Variants in ZZEF1 observed in about 807,000 individuals in gnomAD.
The protein encoded by ZZEF1 is zinc finger ZZ-type and EF-hand domain containing 1.
ZZEF1 carries 157 observed loss-of-function variants against 342.8 expected under a neutral mutation model. That is an observed-to-expected ratio of 0.46 (90% CI 0.40 to 0.52). The LOEUF is 0.52. Ranked by LOEUF, ZZEF1 falls within the 20% of genes least tolerant of loss-of-function variation. The pLI is 0.00. For synonymous variants in ZZEF1, 1,505 were observed against 1,429.1 expected (o/e 1.05, Z -1.20); for missense variants, 3,480 against 3,725.6 (o/e 0.93, Z 1.72).
intron 38 of ZZEF1, among the ~76,000 whole-genome samples, chr17:4,043,084 C>T (rs1366922137): frequency 6.6e-6 from 1 of 152,214 alleles, no homozygotes; most frequent in Admixed American, 6.5e-5. Flanking sequence ...AGACTGTCCT[C>T]CCAGAGCTCT....
chr17:4,034,026 C>G lies in ZZEF1; in HGVS notation c.6573G>C (p.Val2191=), dbSNP rs188149702. The change falls in exon 40 of 55, where the codon GTG becomes GTC. Residue 2191 remains valine (V), a synonymous_variant. Coordinates refer to ENST00000381638, the MANE Select transcript of ZZEF1 (RefSeq NM_015113.4). ...AGGACCAAGGCTACCTGTCCAGACA[C>G]ACAGCTCCCAGGCTAAAGAGCAGGT... ...TTHLLFSLGA[V]CLDSRVGLDW... 4.1e-5 allele frequency: 66 copies of G among 1,613,924 alleles called. No individual in the cohort carries two copies. The highest frequency in any genetic ancestry group is 5.1e-5 in the Non-Finnish European group (60 of 1,179,994).
chr17:4,067,876 C>T (rs1031777546), intron 26 of ZZEF1, among the ~76,000 whole-genome samples: 7 of 151,976 alleles, frequency 4.6e-5, no homozygotes, highest in African/African-American at 9.7e-5. Context: ...GCCAGGAGCT[C>T]GAGACCAACC....
intron 34 of ZZEF1, among the ~76,000 whole-genome samples, chr17:4,053,165 GTTA>G: frequency 6.6e-6 from 1 of 152,284 alleles, no homozygotes; most frequent in East Asian, 1.9e-4. Context: ...CTCTCATCAT[GTTA>G]TTAATAATAC....
intron 2 of ZZEF1, among the ~76,000 whole-genome samples, chr17:4,118,182 C>T (rs976958900): frequency 3.3e-5 from 5 of 152,236 alleles, no homozygotes; most frequent in Admixed American, 1.3e-4. Flanking sequence ...GCCTTCAGGA[C>T]CTGCTCAAGC....
chr17:4,142,774 G>A lies in ZZEF1; in HGVS notation c.122C>T (p.Ala41Val), dbSNP rs1399596788. The change falls in exon 1 of 55, where the codon GCT becomes GTT. Residue 41 changes from alanine to valine, a missense_variant. Ala to Val is a moderately conservative substitution (Grantham distance 64). Around this residue, in one of 5 missense-constraint regions of ZZEF1, gnomAD observed 416 missense variants for 374.2 expected, o/e 1.11. Coordinates refer to ENST00000381638, the MANE Select transcript of ZZEF1 (RefSeq NM_015113.4). ...SGTTPGPGVA[A>V]PALPPAAALL... ...CGCCGCGGCGGGTGGTAGCGCTGGA[G>A]CCGCGACGCCCGGGCCGGGGGTCGT... 1 of 1,431,888 alleles carries A rather than the reference G, an allele frequency of 7.0e-7. No individual in the cohort carries two copies. The highest frequency in any genetic ancestry group is 9.1e-7 in the Non-Finnish European group (1 of 1,103,506). The allele number at this position is 1,431,888 out of a possible 1,614,324, so 88.7% of individuals were successfully genotyped here.
intron 46 of ZZEF1, among the ~76,000 whole-genome samples, chr17:4,018,961 C>T (rs7213058): frequency 0.19 from 28,995 of 151,324 alleles, 2,925 homozygotes; most frequent in Middle Eastern, 0.23. Context: ...CTGTCACCCA[C>T]CCCAGACTCT....
chr17:4,097,476 GGAAAAAAAAAAAA>G (rs2058056833), intron 9 of ZZEF1, among the ~76,000 whole-genome samples: 4 of 113,964 alleles, frequency 3.5e-5, no homozygotes, highest in Non-Finnish European at 7.0e-5. Flanking sequence ...CTTTGAAATG[GGAAAAAAAAAAAA>G]AAAAAAAAAA....
intron 1 of ZZEF1, among the ~76,000 whole-genome samples, chr17:4,132,620 C>T (rs1407003887): frequency 2.0e-5 from 3 of 151,574 alleles, no homozygotes; most frequent in South Asian, 2.1e-4. Flanking sequence ...ATCACAAAGT[C>T]GGGAGATCGA....
chr17:4,078,863 A>G lies in ZZEF1; in HGVS notation c.2830-821T>C, dbSNP rs145692821. ...AGATTCCTGAGAAAAATTTCAGACCAGGTACATTTCTGATCACCTTTAATT... is the reference window on the plus strand; with the variant it reads ...AGATTCCTGAGAAAAATTTCAGACCGGGTACATTTCTGATCACCTTTAATT... On this transcript the variant is annotated intron_variant, in intron 18 of 54. Transcript: ENST00000381638. Among the ~76,000 whole-genome samples the G allele has an allele frequency of 6.8e-3, 1,034 of 152,336 alleles. 11 individuals carry two copies. The highest frequency in any genetic ancestry group is 0.023 in the African/African-American group (959 of 41,562).
intron 1 of ZZEF1, among the ~76,000 whole-genome samples, chr17:4,133,035 CCTG>C (rs1306429004): frequency 6.6e-6 from 1 of 151,968 alleles, no homozygotes; most frequent in Non-Finnish European, 1.5e-5. Context: ...TCCCTGAGGC[CCTG>C]CGGTGGGAAC....
intron 45 of ZZEF1, 65 bp downstream of exon 45, chr17:4,021,064 C>T: frequency 6.6e-7 from 1 of 1,503,794 alleles, no homozygotes; most frequent in Non-Finnish European, 8.9e-7. Context: ...AAAACATGGC[C>T]CGGGCCAAAG....
chr17:4,013,985 A>G, intron 51 of ZZEF1, 105 bp downstream of exon 51: 1 of 1,089,058 alleles, frequency 9.2e-7, no homozygotes, highest in Non-Finnish European at 1.4e-6. Context: ...GTGAGAGACA[A>G]GTACCTGCTT....
At chr17:4,132,688 CGGGTGTGGTGGCGGGCGCCTGT>C (rs2145592595) in intron 1 of ZZEF1, among the ~76,000 whole-genome samples, 2 of 133,190 alleles carry the variant, frequency 1.5e-5, no homozygotes, top group East Asian at 2.5e-4. Context: ...AAAAATTAGC[CGGGTGTGGTGGCGGGCGCCTGT>C]AATCCCAGCA....
chr17:4,091,695 T>C (rs1271552452), intron 11 of ZZEF1, among the ~76,000 whole-genome samples: 1 of 151,750 alleles, frequency 6.6e-6, no homozygotes, highest in Non-Finnish European at 1.5e-5. Flanking sequence ...GGGAATCACT[T>C]GAACCCAAGA....
chr17:4,041,987 A>G lies in ZZEF1; in HGVS notation c.6306+442T>C, dbSNP rs562630500. Among the ~76,000 whole-genome samples, 731 of 152,326 alleles carry G rather than the reference A, an allele frequency of 4.8e-3. 5 individuals are homozygous for G. Among genetic ancestry groups the G allele is most frequent in the African/African-American group, 0.017 (710 of 41,586 alleles). Reference sequence around the variant, plus strand: ...ATCAATGCTAAAAACTGTAAGCATAATAATGACATTGTGGTTATATAGGAG... The same window carrying G: ...ATCAATGCTAAAAACTGTAAGCATAGTAATGACATTGTGGTTATATAGGAG... On this transcript the variant is annotated intron_variant, in intron 39 of 54. Transcript: ENST00000381638.
intron 1 of ZZEF1, among the ~76,000 whole-genome samples, chr17:4,136,787 C>T (rs1004118527): frequency 1.3e-5 from 2 of 152,168 alleles, no homozygotes; most frequent in African/African-American, 4.8e-5. Context: ...CCAAAACGTG[C>T]CATGCCCTCT....
chr17:4,018,138 T>C (rs961937987), intron 46 of ZZEF1, among the ~76,000 whole-genome samples, 167 bp from the exon 47 acceptor site: 1 of 152,228 alleles, frequency 6.6e-6, no homozygotes. Flanking sequence ...CACTTATGCA[T>C]GGATACAGAA....
Position 4,120,647 on chromosome 17 carries a change from T to C in ZZEF1, c.499+3260A>G, listed in dbSNP as rs147018990. Among the ~76,000 whole-genome samples, 322 of 152,216 alleles carry C rather than the reference T, an allele frequency of 2.1e-3. 2 individuals are homozygous for C. The highest frequency in any genetic ancestry group is 7.2e-3 in the African/African-American group (301 of 41,540). ...GCTGCACTGTTTTGCTCAAAACCTA[T>C]GTGAGAAAACAGATTTGGCACAGTG... On this transcript the variant is annotated intron_variant, in intron 2 of 54. Transcript: ENST00000381638.
At chr17:4,073,918 C>T (rs2057557722) in intron 24 of ZZEF1, among the ~76,000 whole-genome samples, 1 of 152,148 alleles carries the variant, frequency 6.6e-6, no homozygotes, top group South Asian at 2.1e-4. Context: ...AGCTGTTATC[C>T]TCCATAGACA....
Sources: allele counts gnomAD v4.1 joint callset (sites outside exome capture counted in the v4.1 genomes callset), GRCh38; gene constraint gnomAD v4.1.1; regional missense constraint gnomAD v4.1.1; transcripts MANE v1.5; gene names NCBI Gene and HGNC (gene_info 2026-07-23, HGNC 2026-07-21).